Variants in RPL3L observed in about 807,000 individuals in gnomAD.
RPL3L encodes ribosomal protein uL3-like.
Under a neutral mutation model 44.5 loss-of-function variants are expected in RPL3L, and 44 were observed. That is an observed-to-expected ratio of 0.99 (90% CI 0.78 to 1.27). The LOEUF is 1.27. Among genes scored for constraint, RPL3L ranks in the 50% most tolerant of loss-of-function variants. The probability of loss-of-function intolerance (pLI) is 0.00; values close to 1 mark genes in which losing one functional copy is unlikely to be tolerated. For missense variants in RPL3L, 631 were observed against 569.1 expected, an observed-to-expected ratio of 1.11 and a Z score of -1.11; for synonymous variants, 292 against 230.7, an observed-to-expected ratio of 1.27 and a Z score of -2.41.
intron 4 of RPL3L, among the ~76,000 whole-genome samples, chr16:1,947,716 G>A (rs903481114): frequency 7.2e-5 from 11 of 152,226 alleles, no homozygotes; most frequent in Non-Finnish European, 1.3e-4. Flanking sequence ...AGAAGGTGCC[G>A]CTGCTAACAA....
chr16:1,946,822 G>T lies in RPL3L; in HGVS notation c.850-96C>A, dbSNP rs1209660727. 1.9e-6 allele frequency: 3 copies of T among 1,570,464 alleles called. No individual in the cohort carries two copies. The African/African-American group carries it at 4.0e-5, about 21-fold the overall frequency. On this transcript the variant is annotated intron_variant, in intron 6 of 9. Coordinates refer to ENST00000268661, the MANE Select transcript of RPL3L (RefSeq NM_005061.3). The stretch of plus-strand genomic sequence containing the variant: ...GCCCACATGCTCAGACTCAGTGCTG[G>T]TGGGGGCATCTTGTGTCCCCGGCAG...
chr16:1,944,404 A>T lies in RPL3L; in HGVS notation c.*433T>A, dbSNP rs1244007731. 6.1e-6 allele frequency: 1 copy of T among 163,636 alleles called. No individual in the cohort carries two copies. The highest frequency in any genetic ancestry group is 5.8e-5 in the Admixed American group (1 of 17,100). The allele number at this position is 163,636 out of a possible 1,614,324, so 10.1% of individuals were successfully genotyped here. On this transcript the variant is annotated 3_prime_UTR_variant, in exon 10 of 10. Coordinates refer to ENST00000268661, the MANE Select transcript of RPL3L (RefSeq NM_005061.3). The stretch of plus-strand genomic sequence containing the variant: ...CACCCAGGAGCTGACTCAGCGCAAG[A>T]AGACAGCTGACTCCCTGTGATTTCC...
rs941280457 is a variant in RPL3L, at chr16:1,950,200, G to A, written c.501+644C>T. Among the ~76,000 whole-genome samples, 5 of 151,892 alleles carry A rather than the reference G, an allele frequency of 3.3e-5. No individual in the cohort carries two copies. In the South Asian group the frequency reaches 1.0e-3, roughly 32 times the overall value. ...GGGTATGTATGGGGCGGGTATGTAT[G>A]GGGCAGGTATTTACAGAGCACCTCC... is the stretch of plus-strand genomic sequence containing the variant. On this transcript the variant is annotated intron_variant, in intron 4 of 9. Transcript: ENST00000268661.
chr16:1,945,291 G>C (rs960477263), intron 9 of RPL3L, among the ~76,000 whole-genome samples: 5 of 151,016 alleles, frequency 3.3e-5, no homozygotes, highest in African/African-American at 1.2e-4. Context: ...GGAGGTGGAG[G>C]TGGCAGTGAG....
intron 4 of RPL3L, among the ~76,000 whole-genome samples, chr16:1,948,078 C>T (rs1480059905): frequency 6.6e-6 from 1 of 151,510 alleles, no homozygotes; most frequent in Admixed American, 6.6e-5. Flanking sequence ...GCTGGGACTA[C>T]AGGTGCCCGC....
In RPL3L at chr16:1,950,840, T is replaced by C. The variant is rs756021596; in HGVS notation, c.501+4A>G. ...TGACCGACAGCGGAGGGCCGGGGGC[T>C]GACCTGAGTGTGGACAATGACCCGA... On this transcript the variant is annotated splice_donor_region_variant and intron_variant, in intron 4 of 9. Coordinates refer to ENST00000268661, the MANE Select transcript of RPL3L (RefSeq NM_005061.3). 3 of 1,614,074 alleles carry C rather than the reference T, an allele frequency of 1.9e-6. No homozygotes were observed. Among genetic ancestry groups the C allele is most frequent in the East Asian group, 4.5e-5 (2 of 44,890 alleles).
rs2083114214 is a variant in RPL3L, at chr16:1,945,518, T to C, written c.1148A>G (p.Gln383Arg). The change falls in exon 9 of 10, where the codon CAA becomes CGA. Residue 383 changes from glutamine to arginine, a missense_variant. By Grantham distance (43) the Gln-to-Arg change is conservative (BLOSUM62 1). Transcript: ENST00000268661. ...GCTCACCATGAAGGCCCTCTTCTCT[T>C]GGGCTGTCTGGAAGCGGCCATGGCC... is the stretch of plus-strand genomic sequence containing the variant. ...KFGHGRFQTA[Q>R]EKRAFMGPQK... 1 of 1,613,096 alleles carries C rather than the reference T, an allele frequency of 6.2e-7. No individual in the cohort carries two copies. Among genetic ancestry groups the C allele is most frequent in the Admixed American group, 1.7e-5 (1 of 59,952 alleles).
In RPL3L at chr16:1,946,702, G is replaced by T; in HGVS notation, c.874C>A (p.His292Asn). The T allele has an allele frequency of 6.2e-7, 1 of 1,612,604 alleles. No homozygotes were observed. The highest frequency in any genetic ancestry group is 1.1e-5 in the South Asian group (1 of 91,088). ...TTCACCAGCTTCCCGTCCTCCATGT[G>T]CGGGCCCCTGCCGATGCGGAAGATC... ...KKIFRIGRGP[H>N]MEDGKLVKNN... Residue 292 changes from histidine to asparagine, a missense_variant, in exon 7 of 10, where the codon CAC becomes AAC. By Grantham distance (68) the His-to-Asn change is moderately conservative (BLOSUM62 1). Transcript: ENST00000268661.
At chr16:1,946,327 G>C (rs1197366411) in intron 7 of RPL3L, among the ~76,000 whole-genome samples, 1 of 152,234 alleles carries the variant, frequency 6.6e-6, no homozygotes, top group Non-Finnish European at 1.5e-5. Flanking sequence ...TCCAGAGGAG[G>C]CTCGGAGGAT....
chr16:1,951,578 C>T (rs1046927800), intron 3 of RPL3L, among the ~76,000 whole-genome samples: 5 of 151,956 alleles, frequency 3.3e-5, no homozygotes, highest in South Asian at 2.1e-4. Context: ...AGACGGGTTT[C>T]GTCATGTTGC....
chr16:1,947,874 C>T (rs1044256455), intron 4 of RPL3L, among the ~76,000 whole-genome samples: 3 of 150,588 alleles, frequency 2.0e-5, no homozygotes, highest in Non-Finnish European at 4.4e-5. Context: ...GGGCGTGGGC[C>T]AGCACCTGGG....
chr16:1,947,430 C>T, intron 4 of RPL3L, 50 bp from the exon 5 acceptor site: 8 of 1,472,482 alleles, frequency 5.4e-6, no homozygotes, highest in Non-Finnish European at 7.2e-6. Context: ...ATCACACCCC[C>T]ACCTGAAACA....
Position 1,952,944 on chromosome 16 carries a change from G to A in RPL3L, c.295C>T (p.Leu99Phe), listed in dbSNP as rs370167593. ...GCAAAGATGGTCTTGAAGCTCCGGA[G>A]ACCTCGAGGGGTGGCCACGTAGCCC... ...VVGYVATPRG[L>F]RSFKTIFAEH... Residue 99 changes from leucine to phenylalanine, a missense_variant, in exon 3 of 10, where the codon CTC becomes TTC. Transcript: ENST00000268661. 1.1e-5 allele frequency: 18 copies of A among 1,613,848 alleles called. No individual in the cohort carries two copies. Among genetic ancestry groups the A allele is most frequent in the Non-Finnish European group, 1.4e-5 (16 of 1,179,992 alleles).
In RPL3L at chr16:1,944,559, A is replaced by C. The variant is rs995690061; in HGVS notation, c.*278T>G. The C allele has an allele frequency of 9.9e-5, 31 of 311,882 alleles. No individual in the cohort carries two copies. Among genetic ancestry groups the C allele is most frequent in the Admixed American group, 2.7e-4 (6 of 22,038 alleles). The allele number at this position is 311,882 out of a possible 1,614,324, so 19.3% of individuals were successfully genotyped here. A position where few individuals can be genotyped will look rare whatever the true frequency, so the allele number is the denominator to read the frequency against. Reference sequence around the variant, plus strand: ...AGACTCTCTCAAAAAAAAAAAAAAAAAAAACCTCTGCTCCGCAAATGCTCA... The same window carrying C: ...AGACTCTCTCAAAAAAAAAAAAAAACAAAACCTCTGCTCCGCAAATGCTCA... On this transcript the variant is annotated 3_prime_UTR_variant, in exon 10 of 10. Transcript: ENST00000268661.
intron 2 of RPL3L, among the ~76,000 whole-genome samples, 184 bp downstream of exon 2, chr16:1,953,772 T>A (rs1327853919): frequency 6.6e-6 from 1 of 152,228 alleles, no homozygotes; most frequent in East Asian, 1.9e-4. Context: ...ATCTGCGAGC[T>A]GGGGCCATGA....
Position 1,944,861 on chromosome 16 carries a change from C to G in RPL3L, c.1200G>C (p.Thr400=). ...GPQKKHLEKE[T]PETSGDL ...CCTACAAGTCTCCCGAGGTCTCCGGCGTTTCCTTCTCCAGATGCTTCTTTT... is the reference window on the plus strand; with the variant it reads ...CCTACAAGTCTCCCGAGGTCTCCGGGGTTTCCTTCTCCAGATGCTTCTTTT... Residue 400 remains threonine, a synonymous_variant, in exon 10 of 10, where the codon ACG becomes ACC. Coordinates refer to ENST00000268661, the MANE Select transcript of RPL3L (RefSeq NM_005061.3). 1 of 1,614,044 alleles carries G rather than the reference C, an allele frequency of 6.2e-7. No individual in the cohort carries two copies. The highest frequency in any genetic ancestry group is 1.1e-5 in the South Asian group (1 of 91,084).
At position 1,945,530 on chromosome 16, in the gene RPL3L, A is replaced by C; in HGVS notation, c.1136T>G (p.Phe379Cys). 1 of 1,613,558 alleles carries C rather than the reference A, an allele frequency of 6.2e-7. No homozygotes were observed. Among genetic ancestry groups the C allele is most frequent in the Non-Finnish European group, 8.5e-7 (1 of 1,179,874 alleles). The change falls in exon 9 of 10, where the codon TTC becomes TGC. Residue 379 changes from phenylalanine (F) to cysteine (C), a missense_variant. Phe to Cys is a radical substitution (Grantham distance 205). Coordinates refer to ENST00000268661, the MANE Select transcript of RPL3L (RefSeq NM_005061.3). ...GGCCCTCTTCTCTTGGGCTGTCTGG[A>C]AGCGGCCATGGCCGAACTTGGAGGT... ...DTTSKFGHGR[F>C]QTAQEKRAFM...
chr16:1,948,918 G>T (rs111510874), intron 4 of RPL3L, among the ~76,000 whole-genome samples: 3 of 151,566 alleles, frequency 2.0e-5, no homozygotes, highest in African/African-American at 4.9e-5. Context: ...GTTTCACCGC[G>T]TTAGCTAGGA....
At chr16:1,948,082 T>C (rs527958346) in intron 4 of RPL3L, among the ~76,000 whole-genome samples, 5 of 150,866 alleles carry the variant, frequency 3.3e-5, no homozygotes, top group Non-Finnish European at 7.4e-5. Flanking sequence ...GGACTACAGG[T>C]GCCCGCCACC....
Sources: allele counts gnomAD v4.1 joint callset (sites outside exome capture counted in the v4.1 genomes callset), GRCh38; gene constraint gnomAD v4.1.1; transcripts MANE v1.5; gene names NCBI Gene and HGNC (gene_info 2026-07-23, HGNC 2026-07-21).